Variants in PTPRT observed in about 807,000 individuals in gnomAD.
PTPRT encodes the protein protein tyrosine phosphatase receptor type T.
Under a neutral mutation model 176.8 loss-of-function variants are expected in PTPRT, and 56 were observed. That is an observed-to-expected ratio of 0.32 (90% CI 0.26 to 0.40). The LOEUF (loss-of-function observed/expected upper bound fraction) is 0.40, where lower values mean the gene tolerates loss of function less well. PTPRT is among the 10% of genes least tolerant of loss of function. PTPRT has a pLI of 1.00. For missense variants in PTPRT, 1,540 were observed against 1,908.2 expected (o/e 0.81, Z 3.60); for synonymous variants, 783 against 739.0 (o/e 1.06, Z -0.96).
chr20:42,581,202 T>C (rs904473224), intron 7 of PTPRT, among the ~76,000 whole-genome samples: 4 of 152,226 alleles, frequency 2.6e-5, no homozygotes, highest in Admixed American at 6.5e-5. Flanking sequence ...ACTAAATCTC[T>C]CTCATCTCTT....
At chr20:42,651,133 T>C (rs760913137) in intron 7 of PTPRT, among the ~76,000 whole-genome samples, 10 of 152,098 alleles carry the variant, frequency 6.6e-5, no homozygotes, top group Admixed American at 1.3e-4. Flanking sequence ...AAAAAGCATT[T>C]TGATAAAGGA....
intron 12 of PTPRT, among the ~76,000 whole-genome samples, chr20:42,298,675 C>A (rs1016515611): frequency 6.6e-6 from 1 of 152,154 alleles, no homozygotes; most frequent in Non-Finnish European, 1.5e-5. Flanking sequence ...GTAATCCCAG[C>A]ACTTTGGGAG....
chr20:42,159,057 A>G (rs1433776113), intron 17 of PTPRT, among the ~76,000 whole-genome samples: 1 of 151,702 alleles, frequency 6.6e-6, no homozygotes, highest in Non-Finnish European at 1.5e-5. Context: ...CAAATTTCAG[A>G]TTGCAAGTTC....
chr20:42,242,495 G>A (rs965984628), intron 14 of PTPRT, among the ~76,000 whole-genome samples: 4 of 152,210 alleles, frequency 2.6e-5, no homozygotes, highest in African/African-American at 9.6e-5. Flanking sequence ...AGGGGATCTA[G>A]ATGGTGAAGA....
At chr20:42,633,784 AAT>A (rs752371452) in intron 7 of PTPRT, among the ~76,000 whole-genome samples, 6,697 of 52,664 alleles carry the variant, frequency 0.13, 377 homozygotes, top group East Asian at 0.16. Context: ...AGACTCTGAA[AAT>A]ATATATATAT....
At chr20:42,452,759 A>C (rs564765835) in intron 8 of PTPRT, among the ~76,000 whole-genome samples, 215 of 152,336 alleles carry the variant, frequency 1.4e-3, no homozygotes, top group African/African-American at 4.8e-3. Flanking sequence ...GATCAGATGA[A>C]TGGAAAGTAC....
intron 11 of PTPRT, among the ~76,000 whole-genome samples, chr20:42,339,832 A>G (rs907179567): frequency 6.6e-6 from 1 of 152,210 alleles, no homozygotes; most frequent in Non-Finnish European, 1.5e-5. Flanking sequence ...TTAGAAGTCT[A>G]GCTCGGTAGA....
chr20:42,329,387 T>C (rs13045428), intron 11 of PTPRT, among the ~76,000 whole-genome samples: 1 of 151,910 alleles, frequency 6.6e-6, no homozygotes, highest in Non-Finnish European at 1.5e-5. Context: ...AAATGTTTTG[T>C]AAAGCTATAT....
intron 21 of PTPRT, among the ~76,000 whole-genome samples, chr20:42,117,105 GT>G (rs1987326628): frequency 6.6e-6 from 1 of 152,088 alleles, no homozygotes. Flanking sequence ...CTTTAGGTCT[GT>G]TTCCTCATCT....
At chr20:42,184,985 T>G (rs73260993) in intron 16 of PTPRT, among the ~76,000 whole-genome samples, 4,413 of 152,050 alleles carry the variant, frequency 0.029, 212 homozygotes, top group African/African-American at 0.099. Flanking sequence ...CCTAGAAGAA[T>G]TTGATATCCT....
At chr20:42,509,975 C>T (rs1311182892) in intron 7 of PTPRT, among the ~76,000 whole-genome samples, 1 of 152,070 alleles carries the variant, frequency 6.6e-6, no homozygotes, top group Non-Finnish European at 1.5e-5. Context: ...TGAGCTCCTC[C>T]ACTTGTAGAA....
At chr20:43,057,497 A>G (rs1166989141) in intron 1 of PTPRT, among the ~76,000 whole-genome samples, 1 of 152,120 alleles carries the variant, frequency 6.6e-6, no homozygotes, top group Non-Finnish European at 1.5e-5. Flanking sequence ...AGGGAAGAAA[A>G]AAACTAAAAA....
At chr20:42,054,779 A>G in the PTPRT span, among the ~76,000 whole-genome samples, 2 of 152,084 alleles carry the variant, frequency 1.3e-5, no homozygotes, top group African/African-American at 4.8e-5. Flanking sequence ...GGCTCACTCA[A>G]CTGATATGCC....
intron 1 of PTPRT, among the ~76,000 whole-genome samples, chr20:43,046,439 G>A (rs3091752): frequency 0.3 from 44,756 of 151,328 alleles, 8,686 homozygotes; most frequent in African/African-American, 0.54. Context: ...GTGGTGGAGC[G>A]CGCCTGTAGT....
rs201873936 is a variant in PTPRT, at chr20:42,102,110, C to G, written c.3714+14G>C. The G allele has an allele frequency of 6.2e-7, 1 of 1,602,074 alleles. No individual in the cohort carries two copies. The highest frequency in any genetic ancestry group is 8.5e-7 in the Non-Finnish European group (1 of 1,170,178). ...GAATGCCAGCTAGGAGCTTTCTGCCCGGGCTCGGCTTACATCCATCAGTGC... is the reference window on the plus strand; with the variant it reads ...GAATGCCAGCTAGGAGCTTTCTGCCGGGGCTCGGCTTACATCCATCAGTGC... On this transcript the variant is annotated intron_variant, in intron 26 of 30. Transcript: ENST00000373187.
intron 9 of PTPRT, among the ~76,000 whole-genome samples, chr20:42,382,612 G>C (rs1342840939): frequency 1.3e-5 from 2 of 152,266 alleles, no homozygotes; most frequent in Admixed American, 6.5e-5. Context: ...AAAACAGGGG[G>C]AGAAGGGGGA....
the PTPRT span, among the ~76,000 whole-genome samples, chr20:42,038,951 T>G: frequency 2.0e-5 from 3 of 152,170 alleles, no homozygotes; most frequent in South Asian, 2.1e-4. Flanking sequence ...CAAAAGTTCT[T>G]CCAGCCCAAA....
intron 16 of PTPRT, among the ~76,000 whole-genome samples, chr20:42,191,580 C>T (rs1348724177): frequency 6.6e-6 from 1 of 152,146 alleles, no homozygotes; most frequent in East Asian, 1.9e-4. Context: ...GGGCTGATGG[C>T]TGATGCAGTG....
intron 1 of PTPRT, among the ~76,000 whole-genome samples, chr20:43,064,760 T>C (rs1056455740): frequency 3.3e-5 from 5 of 152,194 alleles, no homozygotes; most frequent in African/African-American, 4.8e-5. Flanking sequence ...ACTTCAATTA[T>C]CCACCACCTG....
Sources: gnomAD v4.1 joint callset for allele counts (sites outside exome capture counted in the v4.1 genomes callset) on GRCh38, gnomAD v4.1.1 for gene constraint, MANE v1.5 for transcripts, NCBI Gene and HGNC (gene_info 2026-07-23, HGNC 2026-07-21) for gene names.